SSH2: variants seen among roughly 807,000 people sequenced by gnomAD.
SSH2 encodes the protein slingshot protein phosphatase 2, also known as protein phosphatase Slingshot homolog 2.
A neutral mutation model predicts 135.2 loss-of-function variants in SSH2; 37 were observed. The ratio of observed to expected loss-of-function variants is 0.27; its 90% CI spans 0.21 to 0.36. The LOEUF (loss-of-function observed/expected upper bound fraction) is 0.36. Among genes scored for constraint, SSH2 ranks in the 10% least tolerant of loss-of-function variants. The pLI, the probability that SSH2 is intolerant of heterozygous loss-of-function variation, is 1.00. For synonymous variants in SSH2, 628 were observed against 646.2 expected (o/e 0.97, Z 0.43); for missense variants, 1,408 against 1,765.3 (o/e 0.80, Z 3.63).
chr17:29,741,860 C>A (rs543874653), intron 3 of SSH2, among the ~76,000 whole-genome samples: 3 of 151,528 alleles, frequency 2.0e-5, no homozygotes, highest in Non-Finnish European at 4.4e-5. Flanking sequence ...GTGATCTGCC[C>A]GTCTAAGCTT....
intron 15 of SSH2, among the ~76,000 whole-genome samples, chr17:29,634,676 C>A (rs1183916845): frequency 1.3e-5 from 2 of 152,210 alleles, no homozygotes; most frequent in Non-Finnish European, 2.9e-5. Context: ...CCTCAGCCTC[C>A]CAGGTAGCTG....
intron 1 of SSH2, among the ~76,000 whole-genome samples, chr17:29,880,702 G>C (rs1467456590): frequency 6.6e-6 from 1 of 152,144 alleles, no homozygotes; most frequent in Non-Finnish European, 1.5e-5. Flanking sequence ...AGTACAGGCT[G>C]AATTTAATTA....
chr17:29,842,062 T>C (rs1273493043), intron 2 of SSH2, among the ~76,000 whole-genome samples: 2 of 151,904 alleles, frequency 1.3e-5, no homozygotes, highest in African/African-American at 2.4e-5. Context: ...CCTTGATTCA[T>C]ATTAGAATAA....
intron 3 of SSH2, among the ~76,000 whole-genome samples, chr17:29,719,357 G>A (rs887670599): frequency 6.6e-6 from 1 of 151,898 alleles, no homozygotes; most frequent in Admixed American, 6.6e-5. Context: ...AAGTTAAAGA[G>A]GAGTTTGGGC....
intron 5 of SSH2, among the ~76,000 whole-genome samples, chr17:29,688,958 T>C (rs2038347934): frequency 6.6e-6 from 1 of 152,054 alleles, no homozygotes; most frequent in Middle Eastern, 3.4e-3. Flanking sequence ...GAGTTCGAGA[T>C]CAGCTGGCCA....
intron 4 of SSH2, among the ~76,000 whole-genome samples, chr17:29,700,711 C>T (rs1031195465): frequency 2.6e-5 from 4 of 152,186 alleles, no homozygotes; most frequent in African/African-American, 9.7e-5. Flanking sequence ...CATACCATCA[C>T]CAGACAGTAG....
intron 2 of SSH2, among the ~76,000 whole-genome samples, chr17:29,820,895 T>C (rs2042640068): frequency 6.6e-6 from 1 of 152,174 alleles, no homozygotes; most frequent in African/African-American, 2.4e-5. Flanking sequence ...CCAGGGGTAC[T>C]TGGACTATGC....
chr17:29,649,013 T>C (rs148034635), intron 13 of SSH2, among the ~76,000 whole-genome samples: 5,084 of 152,052 alleles, frequency 0.033, 126 homozygotes, highest in African/African-American at 0.063. Context: ...TGGTGGTGTG[T>C]GCCTGTAATC....
Position 29,652,067 on chromosome 17 carries a change from G to A in SSH2, c.1080-1267C>T, listed in dbSNP as rs913543810. Among the ~76,000 whole-genome samples, 8 of 152,260 alleles carry A rather than the reference G, an allele frequency of 5.3e-5. No individual in the cohort carries two copies. The East Asian group carries it at 1.5e-3, about 29-fold the overall frequency. On this transcript the variant is annotated intron_variant, in intron 12 of 15. Transcript: ENST00000540801. ...TGAGGCAGAAGAATTGCTTGAACCC[G>A]GGAGGCGGAGGTTGCAGTGAGTCGA...
At chr17:29,739,988 A>C (rs2040502122) in intron 3 of SSH2, among the ~76,000 whole-genome samples, 1 of 152,220 alleles carries the variant, frequency 6.6e-6, no homozygotes, top group African/African-American at 2.4e-5. Flanking sequence ...AAGCTGATGA[A>C]CTGAACATCT....
At chr17:29,718,118 A>G (rs143369685) in intron 3 of SSH2, among the ~76,000 whole-genome samples, 98 of 152,268 alleles carry the variant, frequency 6.4e-4, no homozygotes, top group Admixed American at 3.7e-3. Context: ...TCCAATGAAC[A>G]TTTTCTCAGT....
chr17:29,849,010 G>T, intron 1 of SSH2, 81 bp from the exon 2 acceptor site: 1 of 887,420 alleles, frequency 1.1e-6, no homozygotes, highest in South Asian at 1.5e-5. Context: ...TGAAATCACT[G>T]AGTCAGTGGT....
chr17:29,822,446 C>T (rs1304416119), intron 2 of SSH2, among the ~76,000 whole-genome samples: 1 of 151,596 alleles, frequency 6.6e-6, no homozygotes, highest in African/African-American at 2.4e-5. Flanking sequence ...TCTGCTGCCT[C>T]GAATTCCTGG....
At chr17:29,690,167 G>C (rs932087370) in intron 5 of SSH2, among the ~76,000 whole-genome samples, 20 of 152,230 alleles carry the variant, frequency 1.3e-4, no homozygotes, top group African/African-American at 4.6e-4. Flanking sequence ...ACTTTGGGAA[G>C]CCAAGGCGGG....
At chr17:29,865,839 G>A (rs62068630) in intron 1 of SSH2, among the ~76,000 whole-genome samples, 3 of 152,298 alleles carry the variant, frequency 2.0e-5, no homozygotes, top group African/African-American at 7.2e-5. Context: ...GGAGGCTCAC[G>A]CCTGTTATCT....
intron 11 of SSH2, among the ~76,000 whole-genome samples, chr17:29,666,015 T>C (rs192454282): frequency 6.6e-6 from 1 of 152,272 alleles, no homozygotes; most frequent in African/African-American, 2.4e-5. Context: ...TTAGACACAT[T>C]TGGCAGATTT....
intron 3 of SSH2, among the ~76,000 whole-genome samples, chr17:29,762,676 A>G (rs553851153): frequency 9.2e-5 from 14 of 152,204 alleles, no homozygotes; most frequent in African/African-American, 3.1e-4. Flanking sequence ...AGTGCCTTTC[A>G]CCTGACCAGG....
intron 2 of SSH2, among the ~76,000 whole-genome samples, chr17:29,798,846 T>A (rs1483481449): frequency 1.3e-5 from 2 of 152,220 alleles, no homozygotes; most frequent in African/African-American, 4.8e-5. Context: ...GTCGCCTGTA[T>A]TTGTATTCCT....
chr17:29,646,024 C>T (rs539372420), intron 14 of SSH2, among the ~76,000 whole-genome samples: 1 of 152,290 alleles, frequency 6.6e-6, no homozygotes, highest in African/African-American at 2.4e-5. Context: ...CAAACACTGG[C>T]ACCAGCCCCA....
Sources: gnomAD v4.1 joint callset for allele counts (sites outside exome capture counted in the v4.1 genomes callset) on GRCh38, gnomAD v4.1.1 for gene constraint, MANE v1.5 for transcripts, NCBI Gene and HGNC (gene_info 2026-07-23, HGNC 2026-07-21) for gene names.